The following LRRC69 variants were observed in gnomAD, a reference collection of about 807,000 sequenced individuals.
The protein encoded by LRRC69 is leucine rich repeat containing 69.
LRRC69 carries 42 observed loss-of-function variants against 37.8 expected under a neutral mutation model. The observed-to-expected ratio is 1.11, with a 90% CI of 0.87 to 1.44. LRRC69 has a LOEUF of 1.44. LRRC69 is among the 40% of genes most tolerant of loss of function. LRRC69 has a pLI of 0.00. For missense variants in LRRC69, 357 were observed against 401.9 expected (o/e 0.89, Z 0.96); for synonymous variants, 141 against 143.1 (o/e 0.99, Z 0.11).
chr8:91,158,322 C>G, intron 5 of LRRC69: 1 of 1,476,872 alleles, frequency 6.8e-7, no homozygotes, highest in Non-Finnish European at 9.5e-7. Context: ...CTGGAATTTA[C>G]CCTTCTGTTT....
intron 5 of LRRC69, chr8:91,157,926 G>A (rs1334453761): frequency 7.3e-5 from 111 of 1,527,286 alleles, no homozygotes; most frequent in Non-Finnish European, 9.0e-5. Context: ...GTTGTGTATC[G>A]GCAGTATACT....
intron 5 of LRRC69, among the ~76,000 whole-genome samples, chr8:91,150,258 C>G (rs1212536962): frequency 6.6e-6 from 1 of 151,916 alleles, no homozygotes; most frequent in Non-Finnish European, 1.5e-5. Context: ...AGATACATCC[C>G]ATCAATACCT....
At chr8:91,120,966 A>C (rs1253272105) in intron 1 of LRRC69, among the ~76,000 whole-genome samples, 1 of 151,984 alleles carries the variant, frequency 6.6e-6, no homozygotes, top group African/African-American at 2.4e-5. Context: ...TTTAACAGGG[A>C]TAAAACTAAA....
intron 6 of LRRC69, among the ~76,000 whole-genome samples, chr8:91,190,053 C>G (rs1375367773): frequency 6.6e-6 from 1 of 152,114 alleles, no homozygotes; most frequent in East Asian, 1.9e-4. Context: ...AAAGAAGGAA[C>G]AGGAAAGCAT....
At chr8:91,148,414 A>G (rs933244569) in intron 5 of LRRC69, among the ~76,000 whole-genome samples, 3 of 151,802 alleles carry the variant, frequency 2.0e-5, no homozygotes, top group African/African-American at 7.2e-5. Flanking sequence ...ACATGAACTC[A>G]TCATTTTTTA....
intron 3 of LRRC69, among the ~76,000 whole-genome samples, chr8:91,131,530 T>G (rs898337529): frequency 6.6e-6 from 1 of 151,986 alleles, no homozygotes; most frequent in Non-Finnish European, 1.5e-5. Context: ...CCCCTTTACA[T>G]TCTCTCATTC....
intron 1 of LRRC69, among the ~76,000 whole-genome samples, chr8:91,105,048 A>G (rs564680291): frequency 6.6e-6 from 1 of 152,080 alleles, no homozygotes; most frequent in Non-Finnish European, 1.5e-5. Flanking sequence ...TTCCTTCACC[A>G]GGGAGCTGTC....
rs964367450 is a variant in LRRC69 at position 91,189,712 on chromosome 8, C to G, written c.753+89C>G. ...TTTCTTTTAAAACATTCTTGCCAAG[C>G]CAGCAAATGATTAATGTAATCCTAG... On this transcript the variant is annotated intron_variant, in intron 6 of 7. Coordinates refer to ENST00000448384, the Ensembl canonical transcript of LRRC69. 21 of 842,476 alleles carry G rather than the reference C, an allele frequency of 2.5e-5. No individual in the cohort carries two copies. In the Admixed American group the frequency reaches 5.3e-4, roughly 21 times the overall value. 52.2% of individuals were successfully genotyped at this position (842,476 alleles called of 1,614,324 possible).
chr8:91,206,805 C>A, intron 7 of LRRC69: 1 of 1,289,236 alleles, frequency 7.8e-7, no homozygotes, highest in Non-Finnish European at 1.0e-6. Context: ...TCCAAAATAA[C>A]CCCATGACAC....
rs144075970 is a variant in LRRC69 at position 91,218,496 on chromosome 8, A to G, written c.934-394A>G. Among the ~76,000 whole-genome samples the G allele has an allele frequency of 4.2e-3, 644 of 152,322 alleles. 8 individuals are homozygous for G. The highest frequency in any genetic ancestry group is 0.015 in the African/African-American group (626 of 41,592). ...TTTCCATGGCAACTGCATGCTGGGC[A>G]GGTAAAACCAAGATACCCATTAAGA... On this transcript the variant is annotated intron_variant, in intron 7 of 7. Transcript: ENST00000448384.
intron 1 of LRRC69, among the ~76,000 whole-genome samples, chr8:91,103,056 G>A (rs1239615062): frequency 6.6e-6 from 1 of 152,154 alleles, no homozygotes; most frequent in Non-Finnish European, 1.5e-5. Context: ...ATTTATTCAT[G>A]TGCTCTTTGG....
At chr8:91,157,588 G>A in intron 5 of LRRC69, 3 of 1,541,670 alleles carry the variant, frequency 1.9e-6, no homozygotes, top group Non-Finnish European at 2.7e-6. Flanking sequence ...GTTTACAACT[G>A]CACCTGATCA....
chr8:91,195,197 T>A (rs2130619310), intron 6 of LRRC69, among the ~76,000 whole-genome samples: 1 of 152,066 alleles, frequency 6.6e-6, no homozygotes, highest in Middle Eastern at 3.4e-3. Context: ...GATTGCACTG[T>A]GGTCTGAGAG....
At chr8:91,103,904 AT>A (rs1434762555) in intron 1 of LRRC69, among the ~76,000 whole-genome samples, 1 of 151,880 alleles carries the variant, frequency 6.6e-6, no homozygotes, top group Non-Finnish European at 1.5e-5. Flanking sequence ...ATTTGAATTT[AT>A]TTCCATTAAA....
chr8:91,158,746 C>A (rs1204825726), intron 5 of LRRC69: 1 of 901,244 alleles, frequency 1.1e-6, no homozygotes. Context: ...GACACCAAGT[C>A]TGGCTGAATG....
chr8:91,143,393 A>G (rs1393200409), intron 5 of LRRC69, among the ~76,000 whole-genome samples: 4 of 152,114 alleles, frequency 2.6e-5, no homozygotes, highest in African/African-American at 7.2e-5. Flanking sequence ...GACACTTAAG[A>G]AATGTGCTTA....
chr8:91,150,472 C>T (rs991680633), intron 5 of LRRC69, among the ~76,000 whole-genome samples: 37 of 151,912 alleles, frequency 2.4e-4, no homozygotes, highest in Non-Finnish European at 4.6e-4. Flanking sequence ...TGATGTGCTG[C>T]TGGATTCAGT....
intron 7 of LRRC69, among the ~76,000 whole-genome samples, chr8:91,214,826 G>C (rs1337111902): frequency 6.7e-6 from 1 of 149,184 alleles, no homozygotes; most frequent in Non-Finnish European, 1.5e-5. Flanking sequence ...TTTTTTTACA[G>C]TCAAGTAGAT....
chr8:91,127,684 C>T (rs1341484377), intron 3 of LRRC69, among the ~76,000 whole-genome samples: 1 of 150,632 alleles, frequency 6.6e-6, no homozygotes, highest in Non-Finnish European at 1.5e-5. Flanking sequence ...TTTCTGGAGC[C>T]AGCTGAGAGC....
Sources: allele counts gnomAD v4.1 joint callset (sites outside exome capture counted in the v4.1 genomes callset), GRCh38; gene constraint gnomAD v4.1.1; transcripts MANE v1.5; gene names NCBI Gene and HGNC (gene_info 2026-07-23, HGNC 2026-07-21).